The following MEIS3 variants were observed in gnomAD, a reference collection of about 807,000 sequenced individuals.
MEIS3 encodes the protein Meis homeobox 3, also known as homeobox protein Meis3.
A neutral mutation model predicts 51.4 loss-of-function variants in MEIS3; 38 were observed. The observed-to-expected ratio is 0.74, with a 90% CI of 0.57 to 0.97. The LOEUF (loss-of-function observed/expected upper bound fraction) is 0.97, where lower values mean the gene tolerates loss of function less well. Among genes scored for constraint, MEIS3 ranks in the 50% least tolerant of loss-of-function variants. The probability of loss-of-function intolerance (pLI) is 0.00; values close to 1 mark genes in which losing one functional copy is unlikely to be tolerated. For missense variants in MEIS3, 456 were observed against 502.6 expected (o/e 0.91, Z 0.89); for synonymous variants, 198 against 201.8 (o/e 0.98, Z 0.16).
chr19:47,418,845 T>C (rs553597382), intron 1 of MEIS3: 1 of 370,446 alleles, frequency 2.7e-6, no homozygotes, highest in Admixed American at 5.3e-5. Context: ...AAGGAGAAGC[T>C]AAACGATGGG....
At chr19:47,417,611 G>T in intron 1 of MEIS3, 1 of 703,252 alleles carries the variant, frequency 1.4e-6, no homozygotes, top group Non-Finnish European at 2.6e-6. Context: ...AGACGGCAGG[G>T]TCTGGCTGGG....
At chr19:47,417,032 C>A in intron 2 of MEIS3, 69 bp from the exon 3 acceptor site, 1 of 1,542,552 alleles carries the variant, frequency 6.5e-7, no homozygotes, top group Non-Finnish European at 8.8e-7. Flanking sequence ...TGCCAAGATG[C>A]AGAACAGCTG....
upstream of MEIS3, among the ~76,000 whole-genome samples, chr19:47,422,051 G>A (rs947648799): frequency 4.6e-5 from 7 of 151,340 alleles, no homozygotes; most frequent in East Asian, 2.0e-4. Context: ...TGGTGGGGGC[G>A]CCCACCCCTG....
upstream of MEIS3, among the ~76,000 whole-genome samples, chr19:47,420,474 G>A (rs1409966909): frequency 6.8e-6 from 1 of 147,050 alleles, no homozygotes; most frequent in African/African-American, 2.7e-5. Context: ...ATGGGGATGG[G>A]GCCTAACTGG....
intron 4 of MEIS3, chr19:47,416,395 C>T: frequency 2.2e-6 from 1 of 460,658 alleles, no homozygotes; most frequent in Non-Finnish European, 3.8e-6. Flanking sequence ...GACGGGACAC[C>T]AAGGCACGGA....
At chr19:47,414,986 G>T in intron 5 of MEIS3, 65 bp downstream of exon 5, 1 of 1,128,174 alleles carries the variant, frequency 8.9e-7, no homozygotes, top group Non-Finnish European at 1.3e-6. Flanking sequence ...GTGGGGGGCA[G>T]AGGCGACGAG....
intron 1 of MEIS3, chr19:47,417,668 CAGAG>C (rs752394620): frequency 4.3e-6 from 3 of 702,488 alleles, no homozygotes; most frequent in East Asian, 2.7e-5. Flanking sequence ...GTGACAGAGA[CAGAG>C]AGAGAGACAG....
rs781374567 is a variant in MEIS3 at position 47,409,563 on chromosome 19, T to A, written c.598-16A>T. 5 of 1,600,072 alleles carry A rather than the reference T, an allele frequency of 3.1e-6. No homozygotes were observed. The East Asian group carries it at 1.1e-4, about 36-fold the overall frequency. ...ACATATTATTCTAGAAAACAAGAGT[T>A]AGAAGTTAGTGCCAAGGCGGCCGGG... On this transcript the variant is annotated splice_polypyrimidine_tract_variant and intron_variant, in intron 6 of 12. Transcript: ENST00000558555.
rs140643747 is a variant in MEIS3 at position 47,416,947 on chromosome 19, G to T, written c.202C>A (p.Leu68Ile). ...DEIYGHPLFP[L>I]LALVFEKCEL... ...CATTTCTCAAAGACCAGGGCCAAGA[G>T]GGGGAAGAGCGGGTGTCTGGGGAGG... Residue 68 changes from leucine to isoleucine, a missense_variant, in exon 3 of 13, where the codon CTC (leucine) becomes ATC (isoleucine). Physicochemically the swap from Leu to Ile is conservative, Grantham distance 5. Coordinates refer to ENST00000558555, the MANE Select transcript of MEIS3 (RefSeq NM_001301059.2). 230 of 1,594,136 alleles carry T rather than the reference G, an allele frequency of 1.4e-4. No homozygotes were observed. In the African/African-American group the frequency reaches 1.7e-3, roughly 12 times the overall value.
upstream of MEIS3, among the ~76,000 whole-genome samples, chr19:47,420,906 T>TCACACA (rs1243936482): frequency 2.2e-5 from 2 of 91,744 alleles, no homozygotes; most frequent in East Asian, 2.8e-4. Context: ...TCTCTCTCTC[T>TCACACA]CTCTCACACA....
At chr19:47,415,568 TCTC>T (rs747738767) in intron 4 of MEIS3, among the ~76,000 whole-genome samples, 10,366 of 134,262 alleles carry the variant, frequency 0.077, 433 homozygotes, top group Middle Eastern at 0.15. Context: ...CTTCTCTCTC[TCTC>T]TCTTTTTTTT....
In MEIS3 at chr19:47,414,864, G is replaced by A. The variant is rs764782274; in HGVS notation, c.450C>T (p.Val150=). The change falls in exon 6 of 13, where the codon GTC becomes GTT. Residue 150 remains valine, a splice_region_variant and synonymous_variant. Transcript: ENST00000558555. ...GACAGAAGTTGTCGCACAGGTCGTG[G>A]ACCTGGGGGGGCACCGGGGTACTGG... ...LRFHLLELEK[V]HDLCDNFCHR... 6.2e-7 allele frequency: 1 copy of A among 1,601,902 alleles called. No homozygotes were observed. The highest frequency in any genetic ancestry group is 2.3e-5 in the East Asian group (1 of 44,352).
At chr19:47,412,986 G>A (rs1050603113) in intron 6 of MEIS3, among the ~76,000 whole-genome samples, 4 of 151,846 alleles carry the variant, frequency 2.6e-5, no homozygotes, top group African/African-American at 9.7e-5. Context: ...TTACAGGCAT[G>A]AGCCACTGCG....
Position 47,403,227 on chromosome 19 carries a change from C to T in MEIS3, c.*344G>A, listed in dbSNP as rs554760744. ...ATCTCTCCAAAATGTCGGATCCGGGCGACCCTCCTTCCCTGACTGCCCAGC... is the reference window on the plus strand; with the variant it reads ...ATCTCTCCAAAATGTCGGATCCGGGTGACCCTCCTTCCCTGACTGCCCAGC... On this transcript the variant is annotated 3_prime_UTR_variant, in exon 13 of 13. Transcript: ENST00000558555. 2.8e-4 allele frequency: 90 copies of T among 316,088 alleles called. No homozygotes were observed. Among genetic ancestry groups the T allele is most frequent in the South Asian group, 1.9e-3 (84 of 43,614 alleles). The allele number at this position is 316,088 out of a possible 1,614,324, so 19.6% of individuals were successfully genotyped here.
rs766231964 is a variant in MEIS3 at position 47,414,871 on chromosome 19, G to A, written c.448-5C>T. ...GTTGTCGCACAGGTCGTGGACCTGG[G>A]GGGGCACCGGGGTACTGGGGGGGGC... On this transcript the variant is annotated splice_region_variant and splice_polypyrimidine_tract_variant and intron_variant, in intron 5 of 12. Transcript: ENST00000558555. 1 of 1,610,650 alleles carries A rather than the reference G, an allele frequency of 6.2e-7. No individual in the cohort carries two copies. Among genetic ancestry groups the A allele is most frequent in the Non-Finnish European group, 8.5e-7 (1 of 1,178,668 alleles).
rs1159200336 is a variant in MEIS3, at chr19:47,416,981, G to A, written c.186-18C>T. 1 of 1,562,776 alleles carries A rather than the reference G, an allele frequency of 6.4e-7. No homozygotes were observed. The highest frequency in any genetic ancestry group is 1.2e-5 in the South Asian group (1 of 85,696). On this transcript the variant is annotated intron_variant, in intron 2 of 12. Transcript: ENST00000558555. Reference sequence around the variant, plus strand: ...GCGGGTGTCTGGGGAGGCAGGAAAGGAGAGAGGTTGAGGGAGAGGCTGGGA... The same window carrying A: ...GCGGGTGTCTGGGGAGGCAGGAAAGAAGAGAGGTTGAGGGAGAGGCTGGGA...
At chr19:47,417,554 G>A (rs954181749) in intron 1 of MEIS3, 10 of 714,872 alleles carry the variant, frequency 1.4e-5, no homozygotes, top group Admixed American at 4.0e-5. Flanking sequence ...TGAGGACCCC[G>A]TCCAGGCAGA....
chr19:47,416,354 A>G, intron 4 of MEIS3: 1 of 389,256 alleles, frequency 2.6e-6, no homozygotes, highest in Non-Finnish European at 4.6e-6. Flanking sequence ...CAGCCCTCCA[A>G]GACAGACATT....
chr19:47,403,223 C>G lies in MEIS3; in HGVS notation c.*348G>C. On this transcript the variant is annotated 3_prime_UTR_variant, in exon 13 of 13. Transcript: ENST00000558555. ...AGGAATCTCTCCAAAATGTCGGATC[C>G]GGGCGACCCTCCTTCCCTGACTGCC... 3.2e-6 allele frequency: 1 copy of G among 309,872 alleles called. No individual in the cohort carries two copies. The highest frequency in any genetic ancestry group is 6.4e-6 in the Non-Finnish European group (1 of 156,966). 19.2% of individuals were successfully genotyped at this position (309,872 alleles called of 1,614,324 possible).
Sources: allele counts gnomAD v4.1 joint callset (sites outside exome capture counted in the v4.1 genomes callset), GRCh38; gene constraint gnomAD v4.1.1; transcripts MANE v1.5; gene names NCBI Gene and HGNC (gene_info 2026-07-23, HGNC 2026-07-21).